ST7: variants seen among roughly 807,000 people sequenced by gnomAD.
ST7 encodes suppressor of tumorigenicity 7 protein.
Under a neutral mutation model 78.7 loss-of-function variants are expected in ST7, and 28 were observed. The observed-to-expected ratio is 0.36, with a 90% CI of 0.26 to 0.49. The LOEUF is 0.49. Among genes scored for constraint, ST7 ranks in the 20% least tolerant of loss-of-function variants. ST7 has a pLI of 0.99. For missense variants in ST7, 418 were observed against 696.0 expected (o/e 0.60, Z 4.49); for synonymous variants, 247 against 249.6 (o/e 0.99, Z 0.10).
At chr7:117,009,270 T>G (rs1795284108) in intron 1 of ST7, among the ~76,000 whole-genome samples, 1 of 121,852 alleles carries the variant, frequency 8.2e-6, no homozygotes, top group Admixed American at 8.3e-5. Context: ...TTTTTTTTTT[T>G]GTTTTTGGCC....
chr7:117,011,620 A>G (rs1584445317), intron 1 of ST7, among the ~76,000 whole-genome samples: 1 of 152,160 alleles, frequency 6.6e-6, no homozygotes, highest in Admixed American at 6.5e-5. Context: ...TCCAACCTGG[A>G]TCACGAAGGG....
chr7:117,217,037 G>A (rs1471908789), intron 13 of ST7, among the ~76,000 whole-genome samples: 1 of 152,096 alleles, frequency 6.6e-6, no homozygotes, highest in East Asian at 1.9e-4. Context: ...AAAACATGTA[G>A]CATTTGACTG....
At chr7:117,169,741 C>CA (rs1381833198) in intron 9 of ST7, among the ~76,000 whole-genome samples, 2 of 151,704 alleles carry the variant, frequency 1.3e-5, no homozygotes, top group African/African-American at 4.8e-5. Context: ...ACAACCATGG[C>CA]AGTTATAACC....
intron 1 of ST7, among the ~76,000 whole-genome samples, chr7:117,066,891 T>G (rs1468703253): frequency 1.3e-5 from 2 of 152,074 alleles, no homozygotes; most frequent in Non-Finnish European, 2.9e-5. Context: ...CTATACCCAT[T>G]AGCAGTTACT....
intron 12 of ST7, among the ~76,000 whole-genome samples, chr7:117,191,948 A>G (rs1676469012): frequency 1.4e-5 from 2 of 138,714 alleles, no homozygotes; most frequent in Non-Finnish European, 3.0e-5. Flanking sequence ...AGTGACAGAG[A>G]TAAGTGATCT....
At chr7:117,091,000 A>G (rs1800566275) in intron 1 of ST7, among the ~76,000 whole-genome samples, 1 of 152,218 alleles carries the variant, frequency 6.6e-6, no homozygotes, top group Non-Finnish European at 1.5e-5. Context: ...AACTGAGGAA[A>G]GAATGTGCTC....
intron 12 of ST7, among the ~76,000 whole-genome samples, 158 bp from the exon 13 acceptor site, chr7:117,209,629 G>C (rs1792121747): frequency 1.3e-5 from 2 of 152,214 alleles, no homozygotes; most frequent in South Asian, 4.1e-4. Flanking sequence ...TGTATTGCTG[G>C]ATGTTTTAGT....
chr7:117,129,510 GA>G (rs1353931816), intron 3 of ST7, among the ~76,000 whole-genome samples: 14 of 151,880 alleles, frequency 9.2e-5, no homozygotes, highest in Non-Finnish European at 1.5e-5. Flanking sequence ...TGGACCTCTT[GA>G]AATAATTTTA....
chr7:117,099,514 G>A (rs1206330445), intron 1 of ST7, among the ~76,000 whole-genome samples: 1 of 152,008 alleles, frequency 6.6e-6, no homozygotes, highest in Non-Finnish European at 1.5e-5. Flanking sequence ...AATTGTTTTG[G>A]GAGTTAGAAA....
chr7:117,119,775 A>G, intron 3 of ST7, 55 bp downstream of exon 3: 1 of 1,553,900 alleles, frequency 6.4e-7, no homozygotes, highest in Non-Finnish European at 8.8e-7. Flanking sequence ...CTAAATTATT[A>G]TTGTTACTCA....
At chr7:117,074,066 A>C (rs1182588668) in intron 1 of ST7, 1 of 152,218 alleles carries the variant, frequency 6.6e-6, no homozygotes, top group Non-Finnish European at 1.5e-5. Context: ...AACAATATAG[A>C]AACTAGATAT....
intron 1 of ST7, chr7:117,074,666 A>G (rs926521233): frequency 6.6e-6 from 1 of 152,224 alleles, no homozygotes; most frequent in African/African-American, 2.4e-5. Context: ...TGTTTTAATA[A>G]GATTTTGAGA....
At chr7:117,223,031 C>T (rs1208179617) in intron 15 of ST7, 3 of 1,324,768 alleles carry the variant, frequency 2.3e-6, no homozygotes, top group African/African-American at 2.9e-5. Flanking sequence ...CTCCTGTATT[C>T]CTGACCTCCG....
chr7:116,972,554 C>G, intron 1 of ST7: 2 of 1,365,096 alleles, frequency 1.5e-6, no homozygotes, highest in African/African-American at 1.4e-5. Flanking sequence ...TTTGCCTCTT[C>G]TGCAATGTGC....
At chr7:117,074,397 G>A (rs1003587345) in intron 1 of ST7, among the ~76,000 whole-genome samples, 4 of 152,022 alleles carry the variant, frequency 2.6e-5, no homozygotes, top group Admixed American at 1.3e-4. Context: ...TCTCAAAAAC[G>A]AAAAACAAAA....
intron 9 of ST7, among the ~76,000 whole-genome samples, chr7:117,168,391 TGA>T (rs1807727472): frequency 6.6e-6 from 1 of 152,194 alleles, no homozygotes; most frequent in East Asian, 1.9e-4. Context: ...GATCATTACC[TGA>T]AGAATTGGCT....
chr7:117,212,351 A>T (rs1026224284), intron 13 of ST7, among the ~76,000 whole-genome samples: 5 of 152,190 alleles, frequency 3.3e-5, no homozygotes, highest in Non-Finnish European at 5.9e-5. Context: ...GGGAGCCAGG[A>T]TGTAAACCCA....
intron 1 of ST7, among the ~76,000 whole-genome samples, chr7:117,035,707 T>G (rs1796860682): frequency 6.6e-6 from 1 of 152,220 alleles, no homozygotes. Context: ...TGGAATTTTC[T>G]CTACCTCACA....
rs4129654 is a variant in ST7, at chr7:116,975,510, C to T, written c.151+21819C>T. Among the ~76,000 whole-genome samples, 1,299 of 152,104 alleles carry T rather than the reference C, an allele frequency of 8.5e-3. 24 individuals are homozygous for T. Among genetic ancestry groups the T allele is most frequent in the African/African-American group, 0.028 (1,177 of 41,504 alleles). On this transcript the variant is annotated intron_variant, in intron 1 of 15. Transcript: ENST00000323984. The stretch of plus-strand genomic sequence containing the variant: ...GCAGCCTCCACCTCCCGGGTTCAAG[C>T]GGTTCTCCTTCCTTAGTCTCCCGAG...
Sources: gnomAD v4.1 joint callset for allele counts (sites outside exome capture counted in the v4.1 genomes callset) on GRCh38, gnomAD v4.1.1 for gene constraint, MANE v1.5 for transcripts, NCBI Gene and HGNC (gene_info 2026-07-23, HGNC 2026-07-21) for gene names.